CFAP46: variants seen among roughly 807,000 people sequenced by gnomAD.
CFAP46 encodes cilia- and flagella-associated protein 46.
Under a neutral mutation model 325.7 loss-of-function variants are expected in CFAP46, and 245 were observed. That is an observed-to-expected ratio of 0.75 (90% CI 0.68 to 0.84). The LOEUF is 0.84. Ranked by LOEUF, CFAP46 falls within the 40% of genes least tolerant of loss-of-function variation. CFAP46 has a pLI of 0.00. For missense variants in CFAP46, 3,346 were observed against 3,543.0 expected, an observed-to-expected ratio of 0.94 and a Z score of 1.41; for synonymous variants, 1,523 against 1,495.9, an observed-to-expected ratio of 1.02 and a Z score of -0.42.
intron 5 of CFAP46, 63 bp downstream of exon 5, chr10:132,938,526 T>C (rs1850047011): frequency 6.6e-7 from 1 of 1,519,080 alleles, no homozygotes; most frequent in African/African-American, 1.4e-5. Context: ...GAAGGGGTGG[T>C]GGCCTCAGAG....
Position 132,812,802 on chromosome 10 carries a change from A to T in CFAP46, c.7484T>A (p.Val2495Asp). 1.2e-6 allele frequency: 2 copies of T among 1,612,084 alleles called. No individual in the cohort carries two copies. Among genetic ancestry groups the T allele is most frequent in the Non-Finnish European group, 1.7e-6 (2 of 1,179,612 alleles). ...FLSHILVERL[V>D]AMNLQECQVA... ...CCTCTCACCTTGCAAGTTCATGGCG[A>T]CCAATCTCTCCACTAATATATGGGA... is the stretch of plus-strand genomic sequence containing the variant. Residue 2495 changes from valine (V) to aspartate (D), a missense_variant, in exon 55 of 58, where the codon GTC becomes GAC. By Grantham distance (152) the Val-to-Asp change is radical. Transcript: ENST00000368586.
chr10:132,907,047 C>T (rs933719971), intron 22 of CFAP46, among the ~76,000 whole-genome samples: 2 of 152,252 alleles, frequency 1.3e-5, no homozygotes, highest in Non-Finnish European at 1.5e-5. Context: ...ATGTTGGCCT[C>T]GCATCCCCAC....
chr10:132,855,654 T>A (rs1004886306), intron 39 of CFAP46, among the ~76,000 whole-genome samples: 1 of 152,228 alleles, frequency 6.6e-6, no homozygotes, highest in Admixed American at 6.5e-5. Flanking sequence ...TTTCCATTTA[T>A]CTCCTTTCTT....
At chr10:132,868,894 A>G (rs1369907619) in intron 33 of CFAP46, among the ~76,000 whole-genome samples, 1 of 152,250 alleles carries the variant, frequency 6.6e-6, no homozygotes, top group African/African-American at 2.4e-5. Context: ...AAACTTCAAC[A>G]GCTCTGAAGT....
chr10:132,837,101 C>A (rs1393805125), intron 44 of CFAP46, 187 bp from the exon 45 acceptor site: 2 of 544,864 alleles, frequency 3.7e-6, no homozygotes, highest in Non-Finnish European at 6.5e-6. Context: ...CACCAGGGGG[C>A]AGCAGAGGCA....
intron 14 of CFAP46, 56 bp downstream of exon 14, chr10:132,920,003 G>A (rs1302083751): frequency 6.9e-7 from 1 of 1,447,244 alleles, no homozygotes; most frequent in African/African-American, 1.4e-5. Context: ...TGGCCCTCGG[G>A]CTGAGCGACC....
Position 132,866,131 on chromosome 10 carries a change from C to T in CFAP46, c.4784G>A (p.Gly1595Glu). ...CATCCACAGGTGGGGAAAGGACGTC[C>T]CATCCAGGTCCCTCCCGGTCTCCCC... Reference protein sequence around the residue: ...MNGETGRDLDGTSFPHLWMLK... With the variant: ...MNGETGRDLDETSFPHLWMLK... Residue 1595 changes from glycine to glutamate, a missense_variant, in exon 35 of 58, where the codon GGG (glycine) becomes GAG (glutamate). Transcript: ENST00000368586. 6.5e-7 allele frequency: 1 copy of T among 1,542,968 alleles called. No individual in the cohort carries two copies. Among genetic ancestry groups the T allele is most frequent in the Non-Finnish European group, 8.7e-7 (1 of 1,143,464 alleles).
Position 132,935,633 on chromosome 10 carries a change from T to G in CFAP46, c.756-771A>C, listed in dbSNP as rs142941913. Among the ~76,000 whole-genome samples the G allele has an allele frequency of 1.7e-5, 2 of 120,596 alleles. 1 individual carries two copies. Among genetic ancestry groups the G allele is most frequent in the African/African-American group, 7.3e-5 (2 of 27,550 alleles). 79.1% of individuals were successfully genotyped at this position (120,596 alleles called of 152,430 possible). A position where few individuals can be genotyped will look rare whatever the true frequency, so the allele number is the denominator to read the frequency against. Reference sequence around the variant, plus strand: ...CTCCCCTCGGCACCCAAACACACTGTGATCTCCTCACTCCCCTCAGCACCC... The same window carrying G: ...CTCCCCTCGGCACCCAAACACACTGGGATCTCCTCACTCCCCTCAGCACCC... On this transcript the variant is annotated intron_variant, in intron 7 of 57. Coordinates refer to ENST00000368586, the MANE Select transcript of CFAP46 (RefSeq NM_001200049.3).
chr10:132,931,676 G>C lies in CFAP46; in HGVS notation c.867-1872C>G, dbSNP rs191231242. ...CCTACACTCCCCACACAGAGCCTGG[G>C]CCTTCTTCCTCCCCACACAGAGCCT... is the stretch of plus-strand genomic sequence containing the variant. On this transcript the variant is annotated intron_variant, in intron 8 of 57. Coordinates refer to ENST00000368586, the MANE Select transcript of CFAP46 (RefSeq NM_001200049.3). 9.4e-5 allele frequency among the ~76,000 whole-genome samples: 11 copies of C among 116,628 alleles called. No homozygotes were observed. In the East Asian group the frequency reaches 2.9e-3, roughly 31 times the overall value. The allele number at this position is 116,628 out of a possible 152,430, so 76.5% of individuals were successfully genotyped here.
Position 132,916,650 on chromosome 10 carries a change from T to C in CFAP46, c.2019A>G (p.Val673=), listed in dbSNP as rs1591089638. 6.6e-7 allele frequency: 1 copy of C among 1,518,232 alleles called. No individual in the cohort carries two copies. The highest frequency in any genetic ancestry group is 8.8e-7 in the Non-Finnish European group (1 of 1,130,574). The allele number at this position is 1,518,232 out of a possible 1,614,324, so 94.0% of individuals were successfully genotyped here. A position where few individuals can be genotyped will look rare whatever the true frequency, so the allele number is the denominator to read the frequency against. ...GGGGGATGGCCCGGTCATTCAGCTC[T>C]ACACCTTCTGACCGCAGCAAATGAA... ...ATVHLLRSEG[V]ELNDRAIPPE... is the part of the protein sequence containing the mutation. The change falls in exon 17 of 58, where the codon GTA becomes GTG. Residue 673 remains valine (V), a synonymous_variant. Coordinates refer to ENST00000368586, the MANE Select transcript of CFAP46 (RefSeq NM_001200049.3).
intron 7 of CFAP46, among the ~76,000 whole-genome samples, chr10:132,935,617 G>T (rs1314061118): frequency 4.7e-5 from 5 of 105,704 alleles, no homozygotes; most frequent in Admixed American, 2.2e-4. Flanking sequence ...GCTCCCCTCG[G>T]CACCCAAACA....
chr10:132,822,192 A>T (rs61727945), intron 50 of CFAP46, among the ~76,000 whole-genome samples: 23 of 81,202 alleles, frequency 2.8e-4, no homozygotes, highest in East Asian at 8.9e-4. Context: ...TGATGTGTGC[A>T]CTGTGTGCTG....
chr10:132,940,539 G>A (rs1026457022), intron 4 of CFAP46, among the ~76,000 whole-genome samples: 6 of 152,132 alleles, frequency 3.9e-5, no homozygotes, highest in African/African-American at 1.2e-4. Flanking sequence ...AGGAGAAGGC[G>A]CCCTGGGGGT....
intron 44 of CFAP46, among the ~76,000 whole-genome samples, chr10:132,842,141 G>A (rs1185334611): frequency 1.3e-5 from 2 of 152,034 alleles, no homozygotes; most frequent in African/African-American, 4.8e-5. Flanking sequence ...TTTCCCTTTT[G>A]CAGCTCCGTG....
At position 132,876,987 on chromosome 10, in the gene CFAP46, A is replaced by C; in HGVS notation, c.4213-26T>G. On this transcript the variant is annotated intron_variant, in intron 30 of 57. Transcript: ENST00000368586. This position sits in a 1 kb window ranked among gnomAD's most constrained non-coding sequence, Gnocchi z 4.1. ...CTAGAAAGGCAAGAATACAGGATTTACCTGAAACGGTGGAGGTGAAACAGC... is the reference window on the plus strand; with the variant it reads ...CTAGAAAGGCAAGAATACAGGATTTCCCTGAAACGGTGGAGGTGAAACAGC... 6.5e-7 allele frequency: 1 copy of C among 1,544,902 alleles called. No individual in the cohort carries two copies. The highest frequency in any genetic ancestry group is 8.7e-7 in the Non-Finnish European group (1 of 1,143,706).
At position 132,941,694 on chromosome 10, in the gene CFAP46, C is replaced by G; in HGVS notation, c.203G>C (p.Cys68Ser). 2 of 1,614,066 alleles carry G rather than the reference C, an allele frequency of 1.2e-6. No individual in the cohort carries two copies. The highest frequency in any genetic ancestry group is 1.7e-6 in the Non-Finnish European group (2 of 1,180,038). ...CTTCACCTTGAAGTACATTTGGATG[C>G]AGTCCTCGCTCACCTCTGGCTGCCT... The part of the protein sequence containing the change: ...KMRQPEVSED[C>S]IQMYFKVKAP... The change falls in exon 3 of 58, where the codon TGC (cysteine) becomes TCC (serine). Residue 68 changes from cysteine to serine, a missense_variant. Coordinates refer to ENST00000368586, the MANE Select transcript of CFAP46 (RefSeq NM_001200049.3).
chr10:132,890,323 C>T (rs1849237113), intron 25 of CFAP46, among the ~76,000 whole-genome samples: 1 of 152,344 alleles, frequency 6.6e-6, no homozygotes, highest in East Asian at 1.9e-4. Context: ...TGAAACACCC[C>T]ACAGGGCTGA....
At chr10:132,911,869 C>G (rs1280640049) in intron 19 of CFAP46, among the ~76,000 whole-genome samples, 1 of 152,112 alleles carries the variant, frequency 6.6e-6, no homozygotes, top group Non-Finnish European at 1.5e-5. Context: ...GCCTGGAGCC[C>G]GCCCTGAGGG....
intron 54 of CFAP46, 74 bp downstream of exon 54, chr10:132,814,078 A>C: frequency 8.6e-7 from 1 of 1,166,684 alleles, no homozygotes. Flanking sequence ...AGCCGGGGGT[A>C]GGGGGCAGTG....
Sources: allele counts gnomAD v4.1 joint callset (sites outside exome capture counted in the v4.1 genomes callset), GRCh38; gene constraint gnomAD v4.1.1; non-coding constraint Gnocchi (gnomAD v3.1); transcripts MANE v1.5; gene names NCBI Gene and HGNC (gene_info 2026-07-23, HGNC 2026-07-21).